The following SMU1 variants were observed in gnomAD, a reference collection of about 807,000 sequenced individuals.
SMU1 encodes WD40 repeat-containing protein SMU1.
A neutral mutation model predicts 62.0 loss-of-function variants in SMU1; 2 were observed. That is an observed-to-expected ratio of 0.03 (90% CI 0.01 to 0.10). SMU1 has a LOEUF of 0.10. Among genes scored for constraint, SMU1 ranks in the 10% least tolerant of loss-of-function variants. SMU1 has a pLI of 1.00. For missense variants in SMU1, 227 were observed against 622.1 expected, an observed-to-expected ratio of 0.36 and a Z score of 6.76; for synonymous variants, 188 against 212.4, an observed-to-expected ratio of 0.89 and a Z score of 1.00.
In SMU1 at chr9:33,061,081, T is replaced by G. The variant is rs191744346; in HGVS notation, c.631-497A>C. 6.6e-4 allele frequency among the ~76,000 whole-genome samples: 101 copies of G among 152,372 alleles called. 1 individual carries two copies. Among genetic ancestry groups the G allele is most frequent in the Non-Finnish European group, 1.3e-4 (9 of 68,040 alleles). ...ACCTTCATTTAATGAAGTGATAATG[T>G]GTAGCTGACCAAACTTAGAAGAACT... is the stretch of plus-strand genomic sequence containing the variant. On this transcript the variant is annotated intron_variant, in intron 5 of 11. Transcript: ENST00000397149.
Position 33,062,065 on chromosome 9 carries a change from A to G in SMU1, c.614T>C (p.Leu205Pro). The G allele has an allele frequency of 6.2e-7, 1 of 1,613,910 alleles. No homozygotes were observed. The highest frequency in any genetic ancestry group is 8.5e-7 in the Non-Finnish European group (1 of 1,179,904). Residue 205 changes from leucine (L) to proline (P), a missense_variant, in exon 5 of 12, where the codon CTG becomes CCG. Around this residue, in one of 5 missense-constraint regions of SMU1, gnomAD observed 99 missense variants for 270.3 expected, o/e 0.37. Coordinates refer to ENST00000397149, the MANE Select transcript of SMU1 (RefSeq NM_018225.3). ...GGATCCTACCTTAATATGCCTGCTC[A>G]GTTGTGTAGGAAACTTTTCTTCTTC... ...DVEEEKFPTQLSRHIKFGQKS... is the reference protein window; with the variant it reads ...DVEEEKFPTQPSRHIKFGQKS...
At position 33,047,682 on chromosome 9, in the gene SMU1, AC is replaced by A. The variant is rs1236524336; in HGVS notation, c.1444-292del. On this transcript the variant is annotated intron_variant, in intron 11 of 11. Transcript: ENST00000397149. ...AGACCAGCCTGGCCAACAGGGTGAA[AC>A]CCCGTCTCCACTAAAGATACAAAAA... Among the ~76,000 whole-genome samples the A allele has an allele frequency of 2.0e-5, 3 of 152,126 alleles. No individual in the cohort carries two copies. The East Asian group carries it at 5.8e-4, about 29-fold the overall frequency.
At chr9:33,074,232 G>A (rs1032844952) in intron 1 of SMU1, among the ~76,000 whole-genome samples, 2 of 152,178 alleles carry the variant, frequency 1.3e-5, no homozygotes, top group African/African-American at 4.8e-5. Flanking sequence ...GGAGGCTGAG[G>A]CAGGAGGATT....
In SMU1 at chr9:33,053,200, G is replaced by C. The variant is rs1191021152; in HGVS notation, c.1213C>G (p.Leu405Val). 1.2e-6 allele frequency: 2 copies of C among 1,612,356 alleles called. No homozygotes were observed. The highest frequency in any genetic ancestry group is 2.2e-4 in the Middle Eastern group (1 of 4,560). The change falls in exon 10 of 12, where the codon CTA becomes GTA. Residue 405 changes from leucine to valine, a missense_variant. By Grantham distance (32) the Leu-to-Val change is conservative (BLOSUM62 1). Coordinates refer to ENST00000397149, the MANE Select transcript of SMU1 (RefSeq NM_018225.3). ...GTDITVNSVILLPKNPEHFVV... is the reference protein window; with the variant it reads ...GTDITVNSVIVLPKNPEHFVV... ...AAGTGCTCAGGGTTTTTAGGAAGTA[G>C]AATCACACTGTTGACGGTAATATCT... is the stretch of plus-strand genomic sequence containing the variant.
rs1839146139 is a variant in SMU1 at position 33,043,328 on chromosome 9, A to G, written c.*3965T>C. The G allele has an allele frequency of 1.3e-5, 2 of 152,222 alleles. No homozygotes were observed. Among genetic ancestry groups the G allele is most frequent in the Admixed American group, 1.3e-4 (2 of 15,280 alleles). The allele number at this position is 152,222 out of a possible 1,614,324, so 9.4% of individuals were successfully genotyped here. On this transcript the variant is annotated 3_prime_UTR_variant, in exon 12 of 12. Transcript: ENST00000397149. ...GCACCTTTATCATTTAAATTTGGTTATCTCAGCATGAAACTTCTGAGACTG... is the reference window on the plus strand; with the variant it reads ...GCACCTTTATCATTTAAATTTGGTTGTCTCAGCATGAAACTTCTGAGACTG...
At chr9:33,058,393 TACA>T (rs1232339622) in intron 6 of SMU1, among the ~76,000 whole-genome samples, 1 of 152,232 alleles carries the variant, frequency 6.6e-6, no homozygotes, top group East Asian at 1.9e-4. Flanking sequence ...CTCAGCTCAC[TACA>T]ACCTCTGCCT....
At chr9:33,064,126 G>T (rs1454714683) in intron 4 of SMU1, among the ~76,000 whole-genome samples, 1 of 151,792 alleles carries the variant, frequency 6.6e-6, no homozygotes, top group African/African-American at 2.4e-5. Context: ...TTAAAGAGAG[G>T]GGTTCTCATT....
At chr9:33,062,829 T>G (rs1163849771) in intron 4 of SMU1, among the ~76,000 whole-genome samples, 1 of 152,182 alleles carries the variant, frequency 6.6e-6, no homozygotes, top group Non-Finnish European at 1.5e-5. Flanking sequence ...GGAAAAGAAA[T>G]TACCAAATCC....
In SMU1 at chr9:33,063,860, C is replaced by T. The variant is rs542227310; in HGVS notation, c.502-1683G>A. On this transcript the variant is annotated intron_variant, in intron 4 of 11. Transcript: ENST00000397149. ...TCTTTGGTGCCAAAAATGTTGGGGA[C>T]CACTGATTTAAAAATTTTAGCTAAT... Among the ~76,000 whole-genome samples the T allele has an allele frequency of 8.6e-4, 130 of 151,718 alleles. 1 individual carries two copies. The South Asian group carries it at 0.027, about 31-fold the overall frequency.
chr9:33,061,627 C>A (rs1482257772), intron 5 of SMU1, among the ~76,000 whole-genome samples: 1 of 151,996 alleles, frequency 6.6e-6, no homozygotes, highest in African/African-American at 2.4e-5. Flanking sequence ...AAGATAAAAT[C>A]ATTTTCCTCA....
chr9:33,053,170 C>A lies in SMU1; in HGVS notation c.1243G>T (p.Val415Leu), dbSNP rs779435806. ...ACCACCGTGTTTGATCTGTTGCACA[C>A]CACAAAGTGCTCAGGGTTTTTAGGA... Reference protein sequence around the residue: ...LLPKNPEHFVVCNRSNTVVIM... With the variant: ...LLPKNPEHFVLCNRSNTVVIM... Residue 415 changes from valine to leucine, a missense_variant, in exon 10 of 12, where the codon GTG (valine) becomes TTG (leucine). Transcript: ENST00000397149. The A allele has an allele frequency of 1.2e-6, 2 of 1,612,260 alleles. No homozygotes were observed. The highest frequency in any genetic ancestry group is 1.7e-6 in the Non-Finnish European group (2 of 1,180,030).
At chr9:33,063,361 C>CA (rs547273748) in intron 4 of SMU1, among the ~76,000 whole-genome samples, 29 of 137,222 alleles carry the variant, frequency 2.1e-4, no homozygotes, top group African/African-American at 2.4e-4. Flanking sequence ...AGACTGTCTC[C>CA]AAAAAAAAAA....
chr9:33,057,552 A>T, intron 7 of SMU1, 46 bp downstream of exon 7: 1 of 1,609,220 alleles, frequency 6.2e-7, no homozygotes, highest in Non-Finnish European at 8.5e-7. Flanking sequence ...CCATAGCAGA[A>T]CATTCAAAAT....
intron 6 of SMU1, among the ~76,000 whole-genome samples, chr9:33,058,553 G>C (rs1235453866): frequency 1.3e-5 from 2 of 152,098 alleles, no homozygotes; most frequent in Admixed American, 6.6e-5. Context: ...CTGACTTCAA[G>C]TGACCTATCA....
intron 4 of SMU1, among the ~76,000 whole-genome samples, chr9:33,064,010 T>C (rs1359524815): frequency 6.6e-5 from 10 of 152,210 alleles, no homozygotes; most frequent in Non-Finnish European, 1.5e-5. Flanking sequence ...TTTGCTCACT[T>C]ATCTATCATG....
intron 6 of SMU1, among the ~76,000 whole-genome samples, chr9:33,059,388 T>A (rs928027358): frequency 1.0e-5 from 1 of 99,618 alleles, no homozygotes; most frequent in Non-Finnish European, 2.0e-5. Context: ...ACTACTTGAG[T>A]AACTTTTTGT....
rs1184733477 is a variant in SMU1 at position 33,043,160 on chromosome 9, C to T, written c.*4133G>A. ...TTGTAAGTTTTAAACAACCTCAGAC[C>T]AGGGAACTTCCTCACTTGGACATAC... On this transcript the variant is annotated 3_prime_UTR_variant, in exon 12 of 12. Coordinates refer to ENST00000397149, the MANE Select transcript of SMU1 (RefSeq NM_018225.3). 1 of 152,136 alleles carries T rather than the reference C, an allele frequency of 6.6e-6. No individual in the cohort carries two copies. The allele number at this position is 152,136 out of a possible 1,614,324, so 9.4% of individuals were successfully genotyped here.
chr9:33,062,611 C>G (rs886958984), intron 4 of SMU1, among the ~76,000 whole-genome samples: 7 of 152,066 alleles, frequency 4.6e-5, no homozygotes, highest in Non-Finnish European at 8.8e-5. Flanking sequence ...TTTCACCTAT[C>G]AACAGGTCAT....
chr9:33,057,163 G>A (rs1839312995), intron 7 of SMU1, among the ~76,000 whole-genome samples, 199 bp from the exon 8 acceptor site: 1 of 152,024 alleles, frequency 6.6e-6, no homozygotes, highest in Admixed American at 6.6e-5. Context: ...CTCTTTCCTT[G>A]TAAATTATTA....
Sources: gnomAD v4.1 joint callset for allele counts (sites outside exome capture counted in the v4.1 genomes callset) on GRCh38, gnomAD v4.1.1 for gene constraint, gnomAD v4.1.1 regional missense constraint, MANE v1.5 for transcripts, NCBI Gene and HGNC (gene_info 2026-07-23, HGNC 2026-07-21) for gene names.